IBA57: variants seen among roughly 807,000 people sequenced by gnomAD.
The protein encoded by IBA57 is iron-sulfur cluster assembly factor IBA57, mitochondrial.
In IBA57, 20 loss-of-function variants were observed where a neutral mutation model predicts 20.4. That is an observed-to-expected ratio of 0.98 (90% CI 0.69 to 1.42). IBA57 has a LOEUF of 1.42. Among genes scored for constraint, IBA57 ranks in the 40% most tolerant of loss-of-function variants. The pLI, the probability that IBA57 is intolerant of heterozygous loss-of-function variation, is 0.00. For synonymous variants in IBA57, 310 were observed against 233.9 expected, an observed-to-expected ratio of 1.33 and a Z score of -2.97; for missense variants, 608 against 499.3, an observed-to-expected ratio of 1.22 and a Z score of -2.07.
rs2124978583 is a variant in IBA57 at position 228,177,034 on chromosome 1, A to C, written c.*1521A>C. ...ATGGATTCCAGACCAGCATCCCTGC[A>C]ACCTTTTCAGCCCCACTGGCTGCTG... On this transcript the variant is annotated 3_prime_UTR_variant, in exon 3 of 3. Coordinates refer to ENST00000366711, the MANE Select transcript of IBA57 (RefSeq NM_001010867.4). 1 of 152,368 alleles carries C rather than the reference A, an allele frequency of 6.6e-6. No homozygotes were observed. The highest frequency in any genetic ancestry group is 2.1e-4 in the South Asian group (1 of 4,826). 9.4% of individuals were successfully genotyped at this position (152,368 alleles called of 1,614,324 possible).
chr1:228,177,463 A>AT lies in IBA57; in HGVS notation c.*1953dup, dbSNP rs1223787377. 12 of 142,424 alleles carry AT rather than the reference A, an allele frequency of 8.4e-5. No individual in the cohort carries two copies. The highest frequency in any genetic ancestry group is 4.3e-4 in the Admixed American group (6 of 14,090). 8.8% of individuals were successfully genotyped at this position (142,424 alleles called of 1,614,324 possible). A position where few individuals can be genotyped will look rare whatever the true frequency, so the allele number is the denominator to read the frequency against. On this transcript the variant is annotated 3_prime_UTR_variant, in exon 3 of 3. Coordinates refer to ENST00000366711, the MANE Select transcript of IBA57 (RefSeq NM_001010867.4). ...AAAATACTTGGTTCAGATCAAACAC[A>AT]TTTCGTGTTCTTCTGTGTCCTTTTT...
At chr1:228,173,408 C>CCCG (rs1553264448) in intron 1 of IBA57, 1 of 137,668 alleles carries the variant, frequency 7.3e-6, no homozygotes, top group East Asian at 2.1e-4. Flanking sequence ...TGCCCCCCCC[C>CCCG]CCGACATGCC....
rs1275159729 is a variant in IBA57, at chr1:228,176,180, T to A, written c.*667T>A. On this transcript the variant is annotated 3_prime_UTR_variant, in exon 3 of 3. Transcript: ENST00000366711. ...CTCAGAGCCCTCCAGGAGCGTGGGG[T>A]GGGGGCCAGCGCAGGGCTCAGGAGC... 2.0e-5 allele frequency: 3 copies of A among 152,308 alleles called. No homozygotes were observed. The highest frequency in any genetic ancestry group is 4.4e-5 in the Non-Finnish European group (3 of 68,242). 9.4% of individuals were successfully genotyped at this position (152,308 alleles called of 1,614,324 possible).
Position 228,165,832 on chromosome 1 carries a change from C to T in IBA57, c.16C>T (p.Leu6=). The change falls in exon 1 of 3, where the codon CTG becomes TTG. Residue 6 remains leucine, a synonymous_variant. Transcript: ENST00000366711. MATAA[L]LRGATPGRGG... is the part of the protein sequence containing the mutation. ...CTTGTCCAAGATGGCGACCGCGGCGCTGCTTCGAGGCGCCACTCCGGGGCG... is the reference window on the plus strand; with the variant it reads ...CTTGTCCAAGATGGCGACCGCGGCGTTGCTTCGAGGCGCCACTCCGGGGCG... 1.5e-6 allele frequency: 2 copies of T among 1,305,454 alleles called. No homozygotes were observed. Among genetic ancestry groups the T allele is most frequent in the Non-Finnish European group, 1.9e-6 (2 of 1,032,348 alleles). 80.9% of individuals were successfully genotyped at this position (1,305,454 alleles called of 1,614,324 possible). A position where few individuals can be genotyped will look rare whatever the true frequency, so the allele number is the denominator to read the frequency against.
rs753328548 is a variant in IBA57, at chr1:228,175,462, G to C, written c.1020G>C (p.Gln340His). Residue 340 changes from glutamine (Q) to histidine (H), a missense_variant, in exon 3 of 3, where the codon CAG (glutamine) becomes CAC (histidine). Transcript: ENST00000366711. ...ACATCAGAGCCTCTGAGGGTGCCCAGGTGGCCTTAGCCGCATCTGTGCCAG... is the reference window on the plus strand; with the variant it reads ...ACATCAGAGCCTCTGAGGGTGCCCACGTGGCCTTAGCCGCATCTGTGCCAG... The part of the protein sequence containing the change: ...PLHIRASEGA[Q>H]VALAASVPDW... The C allele has an allele frequency of 1.9e-6, 3 of 1,603,420 alleles. No individual in the cohort carries two copies. In the East Asian group the frequency reaches 6.7e-5, roughly 36 times the overall value.
chr1:228,175,066 G>A (rs770216473), intron 2 of IBA57, 37 bp downstream of exon 2: 3 of 1,574,680 alleles, frequency 1.9e-6, no homozygotes, highest in Admixed American at 1.7e-5. Context: ...TGGATTGCAC[G>A]GGTGGAGCTG....
Position 228,166,120 on chromosome 1 carries a change from G to C in IBA57, c.304G>C (p.Val102Leu), listed in dbSNP as rs753218907. 6.5e-6 allele frequency: 10 copies of C among 1,536,188 alleles called. No individual in the cohort carries two copies. Among genetic ancestry groups the C allele is most frequent in the Non-Finnish European group, 8.7e-6 (10 of 1,143,894 alleles). The change falls in exon 1 of 3, where the codon GTG becomes CTG. Residue 102 changes from valine (V) to leucine (L), a missense_variant. Physicochemically the swap from Val to Leu is conservative, Grantham distance 32 (BLOSUM62 1). Coordinates refer to ENST00000366711, the MANE Select transcript of IBA57 (RefSeq NM_001010867.4). ...ARAGYAHFLN[V>L]QGRTLYDVIL... Reference sequence around the variant, plus strand: ...CGCGGGCTACGCCCACTTCCTGAACGTGCAGGGCCGGACGCTCTATGACGT... The same window carrying C: ...CGCGGGCTACGCCCACTTCCTGAACCTGCAGGGCCGGACGCTCTATGACGT...
chr1:228,179,325 T>G lies in IBA57; in HGVS notation c.*3812T>G, dbSNP rs1203798818. 1 of 152,096 alleles carries G rather than the reference T, an allele frequency of 6.6e-6. No homozygotes were observed. Among genetic ancestry groups the G allele is most frequent in the Non-Finnish European group, 1.5e-5 (1 of 68,028 alleles). The allele number at this position is 152,096 out of a possible 1,614,324, so 9.4% of individuals were successfully genotyped here. On this transcript the variant is annotated 3_prime_UTR_variant, in exon 3 of 3. Coordinates refer to ENST00000366711, the MANE Select transcript of IBA57 (RefSeq NM_001010867.4). ...ACTATAAAAATGACCAAGCAGATTT[T>G]AAAAAGAGAACTTGTTGAAATAAAA...
In IBA57 at chr1:228,170,940, G is replaced by T. The variant is rs936189350; in HGVS notation, c.342-3752G>T. 6.6e-6 allele frequency among the ~76,000 whole-genome samples: 1 copy of T among 152,106 alleles called. No homozygotes were observed. Among genetic ancestry groups the T allele is most frequent in the African/African-American group, 2.4e-5 (1 of 41,418 alleles). On this transcript the variant is annotated intron_variant, in intron 1 of 2. Coordinates refer to ENST00000366711, the MANE Select transcript of IBA57 (RefSeq NM_001010867.4). This position sits in a 1 kb window ranked among gnomAD's most constrained non-coding sequence, Gnocchi z 4.8. Reference sequence around the variant, plus strand: ...GATGGCCAGGGGACCCTTTCTTTCAGTTGGCTGGGCCAGAGCCACCCCTGA... The same window carrying T: ...GATGGCCAGGGGACCCTTTCTTTCATTTGGCTGGGCCAGAGCCACCCCTGA...
intron 1 of IBA57, chr1:228,173,540 C>G (rs1439533371): frequency 1.3e-5 from 2 of 152,534 alleles, no homozygotes; most frequent in Non-Finnish European, 2.9e-5. Flanking sequence ...TCTGGGGCCC[C>G]GATTGGGTTC....
In IBA57 at chr1:228,175,366, C is replaced by A; in HGVS notation, c.924C>A (p.Gly308=). The A allele has an allele frequency of 6.2e-7, 1 of 1,612,962 alleles. No individual in the cohort carries two copies. Among genetic ancestry groups the A allele is most frequent in the Non-Finnish European group, 8.5e-7 (1 of 1,179,978 alleles). Residue 308 remains glycine (G), a synonymous_variant, in exon 3 of 3, where the codon GGC becomes GGA. Coordinates refer to ENST00000366711, the MANE Select transcript of IBA57 (RefSeq NM_001010867.4). ...TGACTGCCTCAGGACAGACTGTGGG[C>A]AAGTTCAGGGCTGGCCAGGGCAACG... The part of the protein sequence containing the change: ...TVLTASGQTV[G]KFRAGQGNVG...
At chr1:228,166,692 G>C (rs1400855263) in intron 1 of IBA57, among the ~76,000 whole-genome samples, 2 of 152,186 alleles carry the variant, frequency 1.3e-5, no homozygotes. Context: ...TTGGCATTTG[G>C]CTCAGTCATC....
chr1:228,175,795 C>T lies in IBA57; in HGVS notation c.*282C>T. 8.5e-6 allele frequency: 3 copies of T among 351,678 alleles called. No homozygotes were observed. Among genetic ancestry groups the T allele is most frequent in the Non-Finnish European group, 1.6e-5 (3 of 193,382 alleles). 21.8% of individuals were successfully genotyped at this position (351,678 alleles called of 1,614,324 possible). ...GCGCCGGGTCCCAATCGTGGCTCCA[C>T]ACAGGGTTGTCTGGGAGGACGGGAC... On this transcript the variant is annotated 3_prime_UTR_variant, in exon 3 of 3. Transcript: ENST00000366711.
Position 228,174,938 on chromosome 1 carries a change from G to T in IBA57, c.588G>T (p.Trp196Cys). Residue 196 changes from tryptophan (W) to cysteine (C), a missense_variant, in exon 2 of 3, where the codon TGG (tryptophan) becomes TGT (cysteine). By Grantham distance (215) the Trp-to-Cys change is radical. Transcript: ENST00000366711. ...IRDPRTARMG[W>C]RLLTQDEGPA... Reference sequence around the variant, plus strand: ...ACCCGCGAACAGCACGCATGGGGTGGCGGCTCCTCACCCAGGATGAAGGCC... The same window carrying T: ...ACCCGCGAACAGCACGCATGGGGTGTCGGCTCCTCACCCAGGATGAAGGCC... The T allele has an allele frequency of 6.3e-7, 1 of 1,579,492 alleles. No homozygotes were observed. Among genetic ancestry groups the T allele is most frequent in the South Asian group, 1.1e-5 (1 of 88,224 alleles).
In IBA57 at chr1:228,180,374, C is replaced by T. The variant is rs1321759396; in HGVS notation, c.*4861C>T. 4 of 151,936 alleles carry T rather than the reference C, an allele frequency of 2.6e-5. No homozygotes were observed. The highest frequency in any genetic ancestry group is 4.4e-5 in the Non-Finnish European group (3 of 68,008). The allele number at this position is 151,936 out of a possible 1,614,324, so 9.4% of individuals were successfully genotyped here. ...ATGTCTAAAACACCACATCTAGAAG[C>T]TTCTACTTAGAATGCCTACTTTTGG... On this transcript the variant is annotated 3_prime_UTR_variant, in exon 3 of 3. Coordinates refer to ENST00000366711, the MANE Select transcript of IBA57 (RefSeq NM_001010867.4).
At chr1:228,171,588 C>T (rs1369216157) in intron 1 of IBA57, 1 of 152,468 alleles carries the variant, frequency 6.6e-6, no homozygotes, top group Non-Finnish European at 1.5e-5. Flanking sequence ...CTGGCCCCAC[C>T]TCAGAGTGCA....
intron 1 of IBA57, among the ~76,000 whole-genome samples, chr1:228,174,037 G>C (rs536644355): frequency 6.6e-6 from 1 of 152,336 alleles, no homozygotes; most frequent in East Asian, 1.9e-4. Flanking sequence ...TGCTGTGGGC[G>C]CGGCACTCTG....
At chr1:228,169,628 CAT>C (rs1291030389) in intron 1 of IBA57, among the ~76,000 whole-genome samples, 1 of 152,176 alleles carries the variant, frequency 6.6e-6, no homozygotes, top group Non-Finnish European at 1.5e-5. Flanking sequence ...TATGATGACA[CAT>C]GTCTACCATC....
At chr1:228,174,211 G>GCGTGTGGTGACC (rs1330518648) in intron 1 of IBA57, among the ~76,000 whole-genome samples, 269 of 12,864 alleles carry the variant, frequency 0.021, 5 homozygotes, top group Non-Finnish European at 0.034. Context: ...GTGGCTCGCT[G>GCGTGTGGTGACC]TGGGCGTGGC....
Sources: allele counts gnomAD v4.1 joint callset (sites outside exome capture counted in the v4.1 genomes callset), GRCh38; gene constraint gnomAD v4.1.1; non-coding constraint Gnocchi (gnomAD v3.1); transcripts MANE v1.5; gene names NCBI Gene and HGNC (gene_info 2026-07-23, HGNC 2026-07-21).